Variants in PTCD1 observed in about 807,000 individuals in gnomAD.
The protein encoded by PTCD1 is pentatricopeptide repeat domain 1.
Under a neutral mutation model 53.4 loss-of-function variants are expected in PTCD1, and 50 were observed. That is an observed-to-expected ratio of 0.94 (90% CI 0.75 to 1.19). PTCD1 has a LOEUF of 1.19. Ranked by LOEUF, PTCD1 falls within the 50% of genes most tolerant of loss-of-function variation. The probability of loss-of-function intolerance (pLI) is 0.00; values close to 1 mark genes in which losing one functional copy is unlikely to be tolerated. For missense variants in PTCD1, 918 were observed against 904.8 expected, an observed-to-expected ratio of 1.01 and a Z score of -0.19; for synonymous variants, 413 against 394.8, an observed-to-expected ratio of 1.05 and a Z score of -0.55.
rs759959190 is a variant in PTCD1 at position 99,417,835 on chromosome 7, C to T, written c.*2132G>A. ...TCCACTTTTGGGCAAATTACTGAACCCCTTTCCTCACTTAGGAAATGGTGG... is the reference window on the plus strand; with the variant it reads ...TCCACTTTTGGGCAAATTACTGAACTCCTTTCCTCACTTAGGAAATGGTGG... On this transcript the variant is annotated 3_prime_UTR_variant, in exon 8 of 8. Coordinates refer to ENST00000292478, the MANE Select transcript of PTCD1 (RefSeq NM_015545.4). 2.1e-4 allele frequency: 307 copies of T among 1,463,212 alleles called. No homozygotes were observed. The highest frequency in any genetic ancestry group is 2.6e-4 in the Non-Finnish European group (290 of 1,108,706). 90.6% of individuals were successfully genotyped at this position (1,463,212 alleles called of 1,614,324 possible). A position where few individuals can be genotyped will look rare whatever the true frequency, so the allele number is the denominator to read the frequency against.
In PTCD1 at chr7:99,425,034, C is replaced by T. The variant is rs748559296; in HGVS notation, c.1498G>A (p.Gly500Arg). ...LTLLAEVVESGSPAESLLLAL... is the reference protein window; with the variant it reads ...LTLLAEVVESRSPAESLLLAL... Reference sequence around the variant, plus strand: ...AGCAGCAAGGACTCTGCAGGACTCCCGGACTCCACCACCTCGGCCAGTAGC... The same window carrying T: ...AGCAGCAAGGACTCTGCAGGACTCCTGGACTCCACCACCTCGGCCAGTAGC... Residue 500 changes from glycine to arginine, a missense_variant, in exon 6 of 8, where the codon GGG becomes AGG. Transcript: ENST00000292478. 6.8e-6 allele frequency: 11 copies of T among 1,614,104 alleles called. No individual in the cohort carries two copies. The highest frequency in any genetic ancestry group is 2.2e-5 in the East Asian group (1 of 44,904).
chr7:99,429,318 C>A, intron 4 of PTCD1, 114 bp from the exon 5 acceptor site: 7 of 1,395,598 alleles, frequency 5.0e-6, no homozygotes, highest in Non-Finnish European at 7.0e-6. Context: ...CACTTGAGGC[C>A]AGGAGTTTTG....
intron 2 of PTCD1, 22 bp from the exon 3 acceptor site, chr7:99,433,440 G>A (rs1444950243): frequency 1.1e-5 from 18 of 1,614,040 alleles, no homozygotes; most frequent in Non-Finnish European, 1.4e-5. Flanking sequence ...AGGCAACAGG[G>A]CAGGGGCTCA....
Position 99,425,479 on chromosome 7 carries a change from C to A in PTCD1, c.1053G>T (p.Ala351=), listed in dbSNP as rs370566685. Residue 351 remains alanine, a synonymous_variant, in exon 6 of 8, where the codon GCG becomes GCT. Coordinates refer to ENST00000292478, the MANE Select transcript of PTCD1 (RefSeq NM_015545.4). ...TGCTCACTGGGGGCTGAAGCACAGT[C>A]GCCTCCTCCCTGGGCTTCAGAAGCA... ...SELLLKPREE[A]TVLQPPVSRQ... The A allele has an allele frequency of 6.2e-7, 1 of 1,613,214 alleles. No homozygotes were observed. Among genetic ancestry groups the A allele is most frequent in the East Asian group, 2.2e-5 (1 of 44,866 alleles).
intron 3 of PTCD1, among the ~76,000 whole-genome samples, chr7:99,430,209 C>T (rs1796204216): frequency 1.3e-5 from 2 of 152,366 alleles, no homozygotes; most frequent in African/African-American, 4.8e-5. Flanking sequence ...ACACCATCAC[C>T]TTGAAACCAG....
intron 1 of PTCD1, chr7:99,438,470 A>C: frequency 9.4e-7 from 1 of 1,060,148 alleles, no homozygotes; most frequent in Non-Finnish European, 1.2e-6. Flanking sequence ...ACCCTGAATT[A>C]GAGACACGCT....
At chr7:99,420,194 G>A (rs1190967681) in intron 7 of PTCD1, 45 bp from the exon 8 acceptor site, 1 of 1,612,522 alleles carries the variant, frequency 6.2e-7, no homozygotes, top group Non-Finnish European at 8.5e-7. Context: ...GTTACCTACA[G>A]CTAATCCCAA....
At chr7:99,433,511 A>C in intron 2 of PTCD1, 93 bp from the exon 3 acceptor site, 1 of 1,603,692 alleles carries the variant, frequency 6.2e-7, no homozygotes, top group South Asian at 1.1e-5. Flanking sequence ...CCCTCCTAAA[A>C]TGGTGGAGAA....
intron 5 of PTCD1, among the ~76,000 whole-genome samples, chr7:99,426,882 G>A (rs921223324): frequency 5.3e-5 from 8 of 151,820 alleles, no homozygotes; most frequent in Non-Finnish European, 8.8e-5. Context: ...CGTCTGGGAG[G>A]TGAGGAGCGT....
At chr7:99,420,730 G>A (rs1451877320) in intron 7 of PTCD1, among the ~76,000 whole-genome samples, 1 of 152,168 alleles carries the variant, frequency 6.6e-6, no homozygotes, top group African/African-American at 2.4e-5. Context: ...GCCGAGGTGG[G>A]CAGATCACTT....
intron 3 of PTCD1, among the ~76,000 whole-genome samples, chr7:99,431,996 A>G (rs1796271371): frequency 6.6e-6 from 1 of 152,234 alleles, no homozygotes; most frequent in African/African-American, 2.4e-5. Context: ...AGTAGGCTTG[A>G]TAAAAGTCAT....
At position 99,428,689 on chromosome 7, in the gene PTCD1, C is replaced by T. The variant is rs542135077; in HGVS notation, c.915+414G>A. Among the ~76,000 whole-genome samples the T allele has an allele frequency of 8.5e-5, 13 of 152,182 alleles. No homozygotes were observed. In the East Asian group the frequency reaches 2.5e-3, roughly 30 times the overall value. ...CTGGGAGGCGGAGGTTGCAGTGAGC[C>T]AAGATCGCTCACTCCAGCCTGGGCA... On this transcript the variant is annotated intron_variant, in intron 5 of 7. Transcript: ENST00000292478.
intron 1 of PTCD1, 30 bp downstream of exon 1, chr7:99,438,662 G>C: frequency 3.2e-6 from 4 of 1,243,362 alleles, no homozygotes; most frequent in Non-Finnish European, 4.1e-6. Flanking sequence ...CGGGTCCCGG[G>C]GCTCCTGCGA....
chr7:99,428,140 G>T (rs1179133440), intron 5 of PTCD1, among the ~76,000 whole-genome samples: 2 of 151,480 alleles, frequency 1.3e-5, no homozygotes, highest in Non-Finnish European at 2.9e-5. Flanking sequence ...GGTGGCTCAC[G>T]CCTGTAATAC....
At position 99,429,742 on chromosome 7, in the gene PTCD1, T is replaced by A. The variant is rs1399778210; in HGVS notation, c.659A>T (p.Glu220Val). 4 of 1,614,096 alleles carry A rather than the reference T, an allele frequency of 2.5e-6. No individual in the cohort carries two copies. The highest frequency in any genetic ancestry group is 1.7e-6 in the Non-Finnish European group (2 of 1,180,048). Residue 220 changes from glutamate to valine, a missense_variant, in exon 4 of 8, where the codon GAG becomes GTG. Glu to Val is a moderately radical substitution (Grantham distance 121). Coordinates refer to ENST00000292478, the MANE Select transcript of PTCD1 (RefSeq NM_015545.4). ...TYTALFNVCA[E>V]SPWKDSALQS... ...TAGAGCTGAGTCCTTCCAGGGGGAC[T>A]CGGCACAGACGTTGAACAGGGCCGT... is the stretch of plus-strand genomic sequence containing the variant.
intron 3 of PTCD1, among the ~76,000 whole-genome samples, chr7:99,430,483 C>T (rs763128112): frequency 6.6e-6 from 1 of 152,218 alleles, no homozygotes; most frequent in Non-Finnish European, 1.5e-5. Context: ...CAGAAAGAAC[C>T]CTGCTAGAGT....
chr7:99,421,756 T>TA (rs1441540845), intron 7 of PTCD1, among the ~76,000 whole-genome samples: 1 of 151,890 alleles, frequency 6.6e-6, no homozygotes, highest in Non-Finnish European at 1.5e-5. Flanking sequence ...CTCCATCTCA[T>TA]AAAAAACAAA....
At chr7:99,433,025 A>C in intron 3 of PTCD1, 1 of 571,796 alleles carries the variant, frequency 1.7e-6, no homozygotes, top group South Asian at 2.0e-5. Flanking sequence ...TAGGTGACAG[A>C]GTGAGGCTCC....
Position 99,425,128 on chromosome 7 carries a change from T to TA in PTCD1, c.1403dup (p.Gly469ArgfsTer45). On this transcript the variant is annotated frameshift_variant, in exon 6 of 8. Coordinates refer to ENST00000292478, the MANE Select transcript of PTCD1 (RefSeq NM_015545.4). LOFTEE classifies it high-confidence loss of function. ...TGCTCAGGAAGCCCTCCAGGCCCCCTATCAAGGCCAGCCGGTCAGCTGGGG... is the reference window on the plus strand; with the variant it reads ...TGCTCAGGAAGCCCTCCAGGCCCCCTAATCAAGGCCAGCCGGTCAGCTGGGG... The TA allele has an allele frequency of 6.2e-7, 1 of 1,613,912 alleles. No individual in the cohort carries two copies. Among genetic ancestry groups the TA allele is most frequent in the South Asian group, 1.1e-5 (1 of 91,088 alleles).
Sources: allele counts gnomAD v4.1 joint callset (sites outside exome capture counted in the v4.1 genomes callset), GRCh38; gene constraint gnomAD v4.1.1; transcripts MANE v1.5; gene names NCBI Gene and HGNC (gene_info 2026-07-23, HGNC 2026-07-21).